The following GOLGA1 variants were observed in gnomAD, a reference collection of about 807,000 sequenced individuals.
The protein encoded by GOLGA1 is golgin subfamily A member 1.
GOLGA1 carries 63 observed loss-of-function variants against 119.7 expected under a neutral mutation model. The ratio of observed to expected loss-of-function variants is 0.53; its 90% confidence interval spans 0.43 to 0.65. The LOEUF (loss-of-function observed/expected upper bound fraction) is 0.65. Among genes scored for constraint, GOLGA1 ranks in the 30% least tolerant of loss-of-function variants. GOLGA1 has a pLI of 0.00. For synonymous variants in GOLGA1, 318 were observed against 333.4 expected (o/e 0.95, Z 0.50); for missense variants, 798 against 912.8 (o/e 0.87, Z 1.62).
In GOLGA1 at chr9:124,923,308, A is replaced by G. The variant is rs1830607847; in HGVS notation, c.433-85T>C. The G allele has an allele frequency of 5.8e-6, 7 of 1,215,672 alleles. 1 individual carries two copies. In the East Asian group the frequency reaches 1.4e-4, roughly 25 times the overall value. 75.3% of individuals were successfully genotyped at this position (1,215,672 alleles called of 1,614,324 possible). ...AAAGTGAAAATCTTTTCTTTTTTAA[A>G]ATTTTTGTCTTTAGAGACAGAGTCT... On this transcript the variant is annotated intron_variant, in intron 7 of 22. Transcript: ENST00000373555.
At chr9:124,938,432 G>T in intron 3 of GOLGA1, 145 bp downstream of exon 3, 1 of 686,684 alleles carries the variant, frequency 1.5e-6, no homozygotes, top group Non-Finnish European at 2.4e-6. Context: ...TTAACAAAAA[G>T]GTACCTCAGA....
chr9:124,902,204 C>G (rs899809834), intron 12 of GOLGA1, among the ~76,000 whole-genome samples: 3 of 150,238 alleles, frequency 2.0e-5, no homozygotes, highest in Non-Finnish European at 4.4e-5. Context: ...CTCCACCTCC[C>G]GGGTTCACGC....
At chr9:124,899,953 A>G (rs970005516) in intron 13 of GOLGA1, among the ~76,000 whole-genome samples, 4 of 152,250 alleles carry the variant, frequency 2.6e-5, no homozygotes, top group Non-Finnish European at 4.4e-5. Flanking sequence ...ATGACAGTGC[A>G]TAATTCTCAG....
intron 16 of GOLGA1, among the ~76,000 whole-genome samples, chr9:124,890,112 G>C (rs778763256): frequency 8.5e-5 from 13 of 152,304 alleles, no homozygotes; most frequent in Admixed American, 2.6e-4. Context: ...CACAGAATTA[G>C]AGCCCACTAG....
rs575436760 is a variant in GOLGA1, at chr9:124,881,518, C to T, written c.2137-261G>A. 3.3e-5 allele frequency among the ~76,000 whole-genome samples: 5 copies of T among 152,340 alleles called. No individual in the cohort carries two copies. Among genetic ancestry groups the T allele is most frequent in the Admixed American group, 1.3e-4 (2 of 15,304 alleles). ...AGGAGCGATGGGTGGATTCCGTTCC[C>T]GGCTTCCGGCCTCTGGCCTCAGCAC... On this transcript the variant is annotated intron_variant, in intron 21 of 22. Transcript: ENST00000373555. The surrounding 1 kb of genome is among the most constrained non-coding windows in gnomAD (Gnocchi z 4.9).
Position 124,921,857 on chromosome 9 carries a change from T to C in GOLGA1, c.597A>G (p.Glu199=). The C allele has an allele frequency of 6.2e-7, 1 of 1,613,832 alleles. No individual in the cohort carries two copies. Among genetic ancestry groups the C allele is most frequent in the Non-Finnish European group, 8.5e-7 (1 of 1,179,758 alleles). Reference sequence around the variant, plus strand: ...CTCTGGTTCGTGCCTCCAATTCTTGTTCCATTTTCCCTAGACTTTCTTCTT... The same window carrying C: ...CTCTGGTTCGTGCCTCCAATTCTTGCTCCATTTTCCCTAGACTTTCTTCTT... The part of the protein sequence containing the change: ...LKKEESLGKM[E]QELEARTREL... The change falls in exon 9 of 23, where the codon GAA becomes GAG. Residue 199 remains glutamate (E), a synonymous_variant. Coordinates refer to ENST00000373555, the MANE Select transcript of GOLGA1 (RefSeq NM_002077.4).
intron 10 of GOLGA1, 42 bp from the exon 11 acceptor site, chr9:124,912,068 TCTTC>T: frequency 8.8e-6 from 14 of 1,582,416 alleles, no homozygotes; most frequent in Non-Finnish European, 1.2e-5. Flanking sequence ...AGAAGCCCTC[TCTTC>T]CTTCCTTCCT....
chr9:124,908,364 GT>G lies in GOLGA1; in HGVS notation c.1065+12del. On this transcript the variant is annotated intron_variant, in intron 12 of 22. Transcript: ENST00000373555. ...CACCCAAACTTAGGAAACACCAGGA[GT>G]AAGGTCAGTACCCGAGTCTCCAGGG... 2 of 1,437,442 alleles carry G rather than the reference GT, an allele frequency of 1.4e-6. No homozygotes were observed. Among genetic ancestry groups the G allele is most frequent in the Non-Finnish European group, 2.0e-6 (2 of 1,018,636 alleles). The allele number at this position is 1,437,442 out of a possible 1,614,324, so 89.0% of individuals were successfully genotyped here.
At chr9:124,893,486 C>T (rs78475506) in intron 15 of GOLGA1, among the ~76,000 whole-genome samples, 2,214 of 152,018 alleles carry the variant, frequency 0.015, 28 homozygotes, top group Middle Eastern at 0.044. Context: ...TTCTAGTCAC[C>T]CAGGAGCACT....
chr9:124,894,743 C>T (rs759338072), intron 15 of GOLGA1, among the ~76,000 whole-genome samples: 5 of 152,198 alleles, frequency 3.3e-5, no homozygotes, highest in Non-Finnish European at 7.3e-5. Flanking sequence ...GCTTTTGCCC[C>T]CACAAGACAT....
At chr9:124,929,626 C>G (rs995495491) in intron 4 of GOLGA1, among the ~76,000 whole-genome samples, 1 of 152,172 alleles carries the variant, frequency 6.6e-6, no homozygotes, top group Non-Finnish European at 1.5e-5. Context: ...ATCTCAGTTT[C>G]CACTTCCTTT....
rs1047730853 is a variant in GOLGA1, at chr9:124,909,534, G to A, written c.970-1062C>T. ...GAGGCAGGAAAATCACTTGAACCCC[G>A]GGAAGCAGAGGTTGCAGTGAGCCGA... On this transcript the variant is annotated intron_variant, in intron 11 of 22. Transcript: ENST00000373555. Among the ~76,000 whole-genome samples, 9 of 150,312 alleles carry A rather than the reference G, an allele frequency of 6.0e-5. No individual in the cohort carries two copies. The East Asian group carries it at 1.6e-3, about 26-fold the overall frequency.
intron 22 of GOLGA1, 56 bp from the exon 23 acceptor site, chr9:124,880,666 A>C: frequency 9.3e-7 from 1 of 1,080,762 alleles, no homozygotes; most frequent in Non-Finnish European, 1.4e-6. Context: ...GGTGCCAGGG[A>C]AACTGAACCG....
rs956799358 is a variant in GOLGA1 at position 124,889,145 on chromosome 9, G to A, written c.1759C>T (p.His587Tyr). 2 of 1,607,150 alleles carry A rather than the reference G, an allele frequency of 1.2e-6. No homozygotes were observed. The highest frequency in any genetic ancestry group is 1.7e-6 in the Non-Finnish European group (2 of 1,176,930). Residue 587 changes from histidine (H) to tyrosine (Y), a missense_variant and splice_region_variant, in exon 18 of 23, where the codon CAC (histidine) becomes TAC (tyrosine). Physicochemically the swap from His to Tyr is moderately conservative, Grantham distance 83. Transcript: ENST00000373555. ...ATGCAGGTGCAGCTGGGACTTACGT[G>A]CGACTCATTGACTGAGAGTGCTTCG... is the stretch of plus-strand genomic sequence containing the variant. ...QAEALSVNES[H>Y]VTSRAMQDPV...
In GOLGA1 at chr9:124,931,421, A is replaced by G. The variant is rs374099044; in HGVS notation, c.136-15T>C. The G allele has an allele frequency of 4.5e-5, 59 of 1,317,976 alleles. No individual in the cohort carries two copies. The African/African-American group carries it at 8.1e-4, about 18-fold the overall frequency. The allele number at this position is 1,317,976 out of a possible 1,614,324, so 81.6% of individuals were successfully genotyped here. On this transcript the variant is annotated splice_polypyrimidine_tract_variant and intron_variant, in intron 3 of 22. Coordinates refer to ENST00000373555, the MANE Select transcript of GOLGA1 (RefSeq NM_002077.4). Reference sequence around the variant, plus strand: ...CCATCGGAAGCCTGTTGAGGTAGACACAAGGAAGGTCGTATTCATATATGT... The same window carrying G: ...CCATCGGAAGCCTGTTGAGGTAGACGCAAGGAAGGTCGTATTCATATATGT...
Position 124,926,688 on chromosome 9 carries a change from C to T in GOLGA1, c.432+21G>A, listed in dbSNP as rs113164014. Reference sequence around the variant, plus strand: ...AGAGACGAGACCAACAAAAATGAGACAAAAATAAAGATGAACTAACCTTTT... The same window carrying T: ...AGAGACGAGACCAACAAAAATGAGATAAAAATAAAGATGAACTAACCTTTT... On this transcript the variant is annotated intron_variant, in intron 7 of 22. Coordinates refer to ENST00000373555, the MANE Select transcript of GOLGA1 (RefSeq NM_002077.4). 3.2e-3 allele frequency: 4,883 copies of T among 1,534,336 alleles called. 141 individuals are homozygous for T. The African/African-American group carries it at 0.06, about 19-fold the overall frequency.
intron 3 of GOLGA1, 141 bp downstream of exon 3, chr9:124,938,436 C>T (rs913050671): frequency 1.6e-5 from 11 of 707,434 alleles, no homozygotes; most frequent in Admixed American, 2.8e-5. Flanking sequence ...CAAAAAGGTA[C>T]CTCAGAGTAA....
At chr9:124,894,478 G>C (rs748673448) in intron 15 of GOLGA1, among the ~76,000 whole-genome samples, 14 of 151,844 alleles carry the variant, frequency 9.2e-5, no homozygotes, top group Non-Finnish European at 1.6e-4. Flanking sequence ...CACACTGCAA[G>C]CTCCGCCTCC....
chr9:124,947,936 C>A (rs987212078), exon 1 of GOLGA1: 4 of 152,152 alleles, frequency 2.6e-5, no homozygotes, highest in African/African-American at 9.7e-5. Context: ...ATTTCCAGTC[C>A]AGAGTGTTCT....
Sources: allele counts gnomAD v4.1 joint callset (sites outside exome capture counted in the v4.1 genomes callset), GRCh38; gene constraint gnomAD v4.1.1; non-coding constraint Gnocchi (gnomAD v3.1); transcripts MANE v1.5; gene names NCBI Gene and HGNC (gene_info 2026-07-23, HGNC 2026-07-21).